HMGN1: variants seen among roughly 807,000 people sequenced by gnomAD.
HMGN1 encodes the protein non-histone chromosomal protein HMG-14.
Under a neutral mutation model 18.4 loss-of-function variants are expected in HMGN1, and 9 were observed. The observed-to-expected ratio is 0.49, with a 90% CI of 0.29 to 0.85. The LOEUF (loss-of-function observed/expected upper bound fraction) is 0.85. Among genes scored for constraint, HMGN1 ranks in the 40% least tolerant of loss-of-function variants. The pLI is 0.07. For synonymous variants in HMGN1, 59 were observed against 45.0 expected, an observed-to-expected ratio of 1.31 and a Z score of -1.24; for missense variants, 151 against 119.2, an observed-to-expected ratio of 1.27 and a Z score of -1.24.
intron 4 of HMGN1, chr21:39,345,839 A>G (rs1432372629): frequency 6.1e-6 from 8 of 1,301,512 alleles, no homozygotes; most frequent in Non-Finnish European, 7.1e-6. Context: ...CCTGAAAAAA[A>G]GCACCATGCC....
chr21:39,344,626 T>TAA (rs570347449), intron 5 of HMGN1: 11 of 143,886 alleles, frequency 7.6e-5, no homozygotes, highest in African/African-American at 2.0e-4. Flanking sequence ...GCTTCATTAA[T>TAA]AAAAAAAAAA....
At chr21:39,348,673 A>C (rs1281167154) in intron 1 of HMGN1, 96 bp from the exon 2 acceptor site, 34 of 1,407,442 alleles carry the variant, frequency 2.4e-5, no homozygotes, top group Non-Finnish European at 4.7e-6. Flanking sequence ...GCGTGACGTC[A>C]CGGCTTCCCG....
chr21:39,347,874 C>T, intron 4 of HMGN1: 2 of 523,240 alleles, frequency 3.8e-6, no homozygotes, highest in Non-Finnish European at 4.7e-6. Flanking sequence ...AAGGTTAAGG[C>T]TTCCCGAAGT....
At chr21:39,345,959 C>A in intron 4 of HMGN1, 1 of 1,300,486 alleles carries the variant, frequency 7.7e-7, no homozygotes, top group South Asian at 1.2e-5. Context: ...TTTGAAGAAT[C>A]TGAAAAGCAC....
chr21:39,344,388 ACAT>A (rs748572498), intron 5 of HMGN1: 50 of 152,192 alleles, frequency 3.3e-4, no homozygotes, highest in African/African-American at 2.4e-5. Context: ...TCAAATATAA[ACAT>A]CAAATACTTA....
At chr21:39,346,269 AAT>A in intron 4 of HMGN1, 1 of 285,924 alleles carries the variant, frequency 3.5e-6, no homozygotes, top group Non-Finnish European at 6.9e-6. Flanking sequence ...GTTCTGTACT[AAT>A]AGTAGGATTC....
intron 4 of HMGN1, chr21:39,347,334 G>T: frequency 9.8e-7 from 1 of 1,022,562 alleles, no homozygotes; most frequent in Non-Finnish European, 1.2e-6. Context: ...ACTCAGCTCT[G>T]TAAAAAATTT....
At chr21:39,345,019 C>A in intron 5 of HMGN1, 127 bp downstream of exon 5, 1 of 1,113,948 alleles carries the variant, frequency 9.0e-7, no homozygotes, top group Non-Finnish European at 1.2e-6. Flanking sequence ...TTTGGGATAC[C>A]GTACAAAACT....
chr21:39,345,321 T>C (rs538189991), intron 4 of HMGN1, 47 bp from the exon 5 acceptor site: 9 of 1,569,650 alleles, frequency 5.7e-6, no homozygotes, highest in Non-Finnish European at 7.0e-6. Context: ...TTACTCCTTA[T>C]TTACATTTTG....
rs187084414 is a variant in HMGN1 at position 39,344,145 on chromosome 21, G to A, written c.256-986C>T. Among the ~76,000 whole-genome samples, 255 of 151,456 alleles carry A rather than the reference G, an allele frequency of 1.7e-3. 2 individuals are homozygous for A. Among genetic ancestry groups the A allele is most frequent in the East Asian group, 9.7e-4 (5 of 5,138 alleles). Reference sequence around the variant, plus strand: ...GGGATGCACGCCTGTAATCCCAGCCGCTCAGGAGGCTGAGGCAGGATAATC... The same window carrying A: ...GGGATGCACGCCTGTAATCCCAGCCACTCAGGAGGCTGAGGCAGGATAATC... On this transcript the variant is annotated intron_variant, in intron 5 of 5. Transcript: ENST00000380749.
intron 4 of HMGN1, chr21:39,347,983 C>A: frequency 7.8e-7 from 1 of 1,274,284 alleles, no homozygotes; most frequent in Non-Finnish European, 9.9e-7. Flanking sequence ...AGTACAAGCA[C>A]GAATTAAAAG....
intron 4 of HMGN1, chr21:39,346,953 A>C (rs2037074816): frequency 6.6e-6 from 1 of 152,298 alleles, no homozygotes; most frequent in African/African-American, 2.4e-5. Flanking sequence ...TTCATTAAAA[A>C]ATTCACTTTA....
chr21:39,346,271 T>A, intron 4 of HMGN1: 1 of 282,862 alleles, frequency 3.5e-6, no homozygotes, highest in South Asian at 3.3e-5. Context: ...TCTGTACTAA[T>A]AGTAGGATTC....
At chr21:39,346,003 T>G in intron 4 of HMGN1, 1 of 1,216,878 alleles carries the variant, frequency 8.2e-7, no homozygotes, top group Non-Finnish European at 1.1e-6. Flanking sequence ...CTTGATACAT[T>G]AAGTTCAAAA....
In HMGN1 at chr21:39,345,185, T is replaced by G. The variant is rs752876045; in HGVS notation, c.216A>C (p.Glu72Asp). The change falls in exon 5 of 6, where the codon GAA (glutamate) becomes GAC (aspartate). Residue 72 changes from glutamate (E) to aspartate (D), a missense_variant. Physicochemically the swap from Glu to Asp is conservative, Grantham distance 45 (BLOSUM62 2). Coordinates refer to ENST00000380749, the MANE Select transcript of HMGN1 (RefSeq NM_004965.7). ...QAEVANQETK[E>D]DLPAENGETK... The stretch of plus-strand genomic sequence containing the variant: ...TTTCCCCGTTTTCCGCAGGTAAGTC[T>G]TCTTTAGTTTCTTGGTTAGCCACTT... 3 of 1,612,412 alleles carry G rather than the reference T, an allele frequency of 1.9e-6. No homozygotes were observed. The highest frequency in any genetic ancestry group is 2.5e-6 in the Non-Finnish European group (3 of 1,179,514).
chr21:39,345,265 A>G lies in HMGN1; in HGVS notation c.136T>C (p.Ser46Pro), dbSNP rs764284664. The G allele has an allele frequency of 6.2e-7, 1 of 1,612,394 alleles. No homozygotes were observed. The highest frequency in any genetic ancestry group is 8.5e-7 in the Non-Finnish European group (1 of 1,178,840). Residue 46 changes from serine (S) to proline (P), a missense_variant, in exon 5 of 6, where the codon TCA (serine) becomes CCA (proline). Ser to Pro is a moderately conservative substitution (Grantham distance 74). Coordinates refer to ENST00000380749, the MANE Select transcript of HMGN1 (RefSeq NM_004965.7). ...CCTTTTGTTTGCACTTTTTTGTCTG[A>G]AGATTTATCCTATGATAGAATAAGA... Reference protein sequence around the residue: ...PKKAAAKDKSSDKKVQTKGKR... With the variant: ...PKKAAAKDKSPDKKVQTKGKR...
intron 1 of HMGN1, 24 bp from the exon 2 acceptor site, chr21:39,348,601 T>G: frequency 6.3e-7 from 1 of 1,574,944 alleles, no homozygotes; most frequent in Non-Finnish European, 8.6e-7. Context: ...GACGCACGAA[T>G]AGAGGCGGGC....
intron 5 of HMGN1, among the ~76,000 whole-genome samples, chr21:39,343,427 T>C (rs905297703): frequency 6.6e-6 from 1 of 152,252 alleles, no homozygotes; most frequent in Non-Finnish European, 1.5e-5. Flanking sequence ...TCTGTCTTCT[T>C]GTTTCAGCTC....
chr21:39,348,918 C>G lies in HMGN1; in HGVS notation c.-1G>C. ...CGCCGCTCACCTTCCTCTTGGGCAT[C>G]GTGGCGGCGGGGAAGGCGCGTGCCG... On this transcript the variant is annotated 5_prime_UTR_variant, in exon 1 of 6. Transcript: ENST00000380749. 1 of 1,180,246 alleles carries G rather than the reference C, an allele frequency of 8.5e-7. No individual in the cohort carries two copies. The highest frequency in any genetic ancestry group is 1.0e-6 in the Non-Finnish European group (1 of 958,270). The allele number at this position is 1,180,246 out of a possible 1,614,324, so 73.1% of individuals were successfully genotyped here. A position where few individuals can be genotyped will look rare whatever the true frequency, so the allele number is the denominator to read the frequency against.
Sources: allele counts gnomAD v4.1 joint callset (sites outside exome capture counted in the v4.1 genomes callset), GRCh38; gene constraint gnomAD v4.1.1; transcripts MANE v1.5; gene names NCBI Gene and HGNC (gene_info 2026-07-23, HGNC 2026-07-21).